Variants in MLKL observed in about 807,000 individuals in gnomAD.
MLKL encodes mixed lineage kinase domain-like protein.
A neutral mutation model predicts 56.5 loss-of-function variants in MLKL; 55 were observed. The ratio of observed to expected loss-of-function variants is 0.97; its 90% CI spans 0.78 to 1.22. The LOEUF (loss-of-function observed/expected upper bound fraction) is 1.22. Among genes scored for constraint, MLKL ranks in the 50% most tolerant of loss-of-function variants. The probability of loss-of-function intolerance (pLI) is 0.00; values close to 1 mark genes in which losing one functional copy is unlikely to be tolerated. For synonymous variants in MLKL, 251 were observed against 208.3 expected (o/e 1.20, Z -1.76); for missense variants, 694 against 573.9 (o/e 1.21, Z -2.14).
At position 74,695,597 on chromosome 16, in the gene MLKL, G is replaced by A. The variant is rs1485371575; in HGVS notation, c.161C>T (p.Pro54Leu). 2 of 1,614,002 alleles carry A rather than the reference G, an allele frequency of 1.2e-6. No individual in the cohort carries two copies. Among genetic ancestry groups the A allele is most frequent in the Non-Finnish European group, 1.7e-6 (2 of 1,180,050 alleles). ...MLQDQGKRSV[P>L]SEKLTTAMNR... ...CATGGCTGTGGTTAACTTCTCAGAG[G>A]GCACGCTCCTCTTTCCTTGGTCCTG... The change falls in exon 2 of 11, where the codon CCC (proline) becomes CTC (leucine). Residue 54 changes from proline (P) to leucine (L), a missense_variant. Physicochemically the swap from Pro to Leu is moderately conservative, Grantham distance 98. Transcript: ENST00000308807.
At chr16:74,684,727 C>T (rs1174328452) in intron 5 of MLKL, among the ~76,000 whole-genome samples, 1 of 152,118 alleles carries the variant, frequency 6.6e-6, no homozygotes, top group Non-Finnish European at 1.5e-5. Flanking sequence ...AGCTCCTGAC[C>T]TTGTGATCCA....
intron 1 of MLKL, among the ~76,000 whole-genome samples, chr16:74,697,742 C>T (rs1355809419): frequency 6.6e-6 from 1 of 151,942 alleles, no homozygotes; most frequent in Non-Finnish European, 1.5e-5. Context: ...TCGCTTGAGC[C>T]TGGGAGGTTG....
chr16:74,693,005 A>C (rs1277846789), intron 2 of MLKL, among the ~76,000 whole-genome samples: 1 of 152,238 alleles, frequency 6.6e-6, no homozygotes, highest in Non-Finnish European at 1.5e-5. Context: ...TAAAAGTGGG[A>C]AAGTCTCTTA....
chr16:74,698,447 G>C (rs1489557614), intron 1 of MLKL, among the ~76,000 whole-genome samples: 1 of 152,154 alleles, frequency 6.6e-6, no homozygotes, highest in Non-Finnish European at 1.5e-5. Context: ...TTTGTTGCCT[G>C]AGAGTTACAG....
intron 2 of MLKL, among the ~76,000 whole-genome samples, chr16:74,692,800 C>T (rs1318552985): frequency 6.6e-6 from 1 of 152,226 alleles, no homozygotes; most frequent in African/African-American, 2.4e-5. Flanking sequence ...GTCCCCTGGA[C>T]TTTGCCTGAA....
intron 2 of MLKL, 112 bp downstream of exon 2, chr16:74,695,186 A>G (rs1476105432): frequency 1.4e-5 from 16 of 1,157,528 alleles, no homozygotes; most frequent in African/African-American, 3.1e-5. Context: ...GTTTTGAGGT[A>G]CAAGTATATT....
intron 6 of MLKL, among the ~76,000 whole-genome samples, chr16:74,681,516 G>A (rs1959967187): frequency 2.0e-5 from 3 of 151,926 alleles, no homozygotes; most frequent in South Asian, 2.1e-4. Context: ...AGACACGGCC[G>A]GGCGCGGTGG....
At position 74,695,450 on chromosome 16, in the gene MLKL, C is replaced by G; in HGVS notation, c.308G>C (p.Arg103Thr). The G allele has an allele frequency of 6.2e-7, 1 of 1,614,248 alleles. No individual in the cohort carries two copies. The highest frequency in any genetic ancestry group is 8.5e-7 in the Non-Finnish European group (1 of 1,180,054). ...QDKILFKDVN[R>T]KLSDVWKELS... ...CTCCTTCCAGACATCACTCAGCTTC[C>G]TGTTCACGTCCTTGAAGAGTATTTT... Residue 103 changes from arginine to threonine, a missense_variant, in exon 2 of 11, where the codon AGG (arginine) becomes ACG (threonine). Physicochemically the swap from Arg to Thr is moderately conservative, Grantham distance 71. Transcript: ENST00000308807.
chr16:74,696,064 G>A (rs1167657900), intron 1 of MLKL, among the ~76,000 whole-genome samples: 1 of 152,124 alleles, frequency 6.6e-6, no homozygotes, highest in Non-Finnish European at 1.5e-5. Flanking sequence ...GCTCTACTTC[G>A]GACTGGGGCA....
chr16:74,687,309 C>T (rs749086160), intron 4 of MLKL, among the ~76,000 whole-genome samples: 4 of 151,984 alleles, frequency 2.6e-5, no homozygotes, highest in African/African-American at 7.2e-5. Context: ...AATGGAAACA[C>T]GTCCCATGTT....
chr16:74,678,577 A>G (rs974201523), intron 7 of MLKL, among the ~76,000 whole-genome samples: 1 of 152,324 alleles, frequency 6.6e-6, no homozygotes, highest in Non-Finnish European at 1.5e-5. Flanking sequence ...TGAGGCCAGG[A>G]GTTCAAAACC....
Position 74,675,476 on chromosome 16 carries a change from G to GA in MLKL, c.1191-73dup. The GA allele has an allele frequency of 6.3e-6, 10 of 1,581,902 alleles. No homozygotes were observed. The South Asian group carries it at 1.1e-4, about 18-fold the overall frequency. ...TCCCCTGTCCCTCTAGCCACTGCCA[G>GA]AAAACTCAGTGAATTTTTTGATTAC... On this transcript the variant is annotated intron_variant, in intron 8 of 10. Transcript: ENST00000308807.
chr16:74,689,741 A>G (rs1158080926), intron 4 of MLKL, among the ~76,000 whole-genome samples: 1 of 152,206 alleles, frequency 6.6e-6, no homozygotes, highest in African/African-American at 2.4e-5. Context: ...ATCTATGTCT[A>G]TATAAAAACT....
intron 1 of MLKL, among the ~76,000 whole-genome samples, chr16:74,698,801 A>G (rs1447943299): frequency 6.6e-6 from 1 of 152,208 alleles, no homozygotes; most frequent in Non-Finnish European, 1.5e-5. Flanking sequence ...ATAATAAATT[A>G]TACAGTGGTG....
rs1317576306 is a variant in MLKL, at chr16:74,685,486, C to T, written c.820G>A (p.Val274Met). The T allele has an allele frequency of 1.9e-6, 3 of 1,611,912 alleles. No individual in the cohort carries two copies. The highest frequency in any genetic ancestry group is 2.5e-6 in the Non-Finnish European group (3 of 1,178,216). ...RIFGICIDET[V>M]TPPQFSIVME... ...GACCAATCCTAGAAGCATTCCTTAC[C>T]TGTTTCATCAATGCAAATCCCAAAT... is the stretch of plus-strand genomic sequence containing the variant. The change falls in exon 5 of 11, where the codon GTG becomes ATG. Residue 274 changes from valine (V) to methionine (M), a missense_variant and splice_region_variant. Physicochemically the swap from Val to Met is conservative, Grantham distance 21 (BLOSUM62 1). Coordinates refer to ENST00000308807, the MANE Select transcript of MLKL (RefSeq NM_152649.4).
intron 10 of MLKL, among the ~76,000 whole-genome samples, chr16:74,673,253 T>C (rs906297129): frequency 5.3e-5 from 8 of 152,216 alleles, no homozygotes; most frequent in African/African-American, 1.9e-4. Flanking sequence ...AGTCTTGCTC[T>C]GTCACCCAGG....
intron 3 of MLKL, 112 bp from the exon 4 acceptor site, chr16:74,691,575 C>G (rs1002548007): frequency 8.3e-7 from 1 of 1,208,512 alleles, no homozygotes; most frequent in East Asian, 2.4e-5. Flanking sequence ...ACTACATGAA[C>G]CAGAGCTGGT....
chr16:74,692,467 G>A lies in MLKL; in HGVS notation c.461-51C>T, dbSNP rs373110223. The A allele has an allele frequency of 2.6e-4, 376 of 1,457,454 alleles. 1 individual carries two copies. The African/African-American group carries it at 4.3e-3, about 17-fold the overall frequency. The allele number at this position is 1,457,454 out of a possible 1,614,324, so 90.3% of individuals were successfully genotyped here. ...CTCAAAATAGATATTAAAATCACACGCCAATCAAAACTAAAATGCTAATTA... is the reference window on the plus strand; with the variant it reads ...CTCAAAATAGATATTAAAATCACACACCAATCAAAACTAAAATGCTAATTA... On this transcript the variant is annotated intron_variant, in intron 2 of 10. Transcript: ENST00000308807.
intron 4 of MLKL, among the ~76,000 whole-genome samples, chr16:74,688,247 G>C (rs1960457140): frequency 6.6e-6 from 1 of 152,170 alleles, no homozygotes; most frequent in Non-Finnish European, 1.5e-5. Flanking sequence ...TAGGATTACA[G>C]ATGTGAGCTG....
Sources: gnomAD v4.1 joint callset for allele counts (sites outside exome capture counted in the v4.1 genomes callset) on GRCh38, gnomAD v4.1.1 for gene constraint, MANE v1.5 for transcripts, NCBI Gene and HGNC (gene_info 2026-07-23, HGNC 2026-07-21) for gene names.